Variants in KLF12 observed in about 807,000 individuals in gnomAD.
The protein encoded by KLF12 is Krueppel-like factor 12.
In KLF12, 9 loss-of-function variants were observed where a neutral mutation model predicts 37.8. The ratio of observed to expected loss-of-function variants is 0.24; its 90% CI spans 0.14 to 0.42. The LOEUF (loss-of-function observed/expected upper bound fraction) is 0.42, where lower values mean the gene tolerates loss of function less well. Among genes scored for constraint, KLF12 ranks in the 10% least tolerant of loss-of-function variants. The pLI is 1.00. For synonymous variants in KLF12, 208 were observed against 202.1 expected (o/e 1.03, Z -0.25); for missense variants, 411 against 516.0 (o/e 0.80, Z 1.97).
the KLF12 span, among the ~76,000 whole-genome samples, chr13:74,249,078 A>G: frequency 1.8e-4 from 27 of 152,246 alleles, no homozygotes; most frequent in East Asian, 4.4e-3. Flanking sequence ...CTGGAGCCAG[A>G]CAAACGTGAG....
chr13:73,839,795 T>C (rs1448126694), intron 4 of KLF12, among the ~76,000 whole-genome samples: 2 of 152,150 alleles, frequency 1.3e-5, no homozygotes, highest in Non-Finnish European at 1.5e-5. Flanking sequence ...GTTGACAAAA[T>C]TGTTAGGAAA....
At chr13:74,140,039 C>T in the KLF12 span, among the ~76,000 whole-genome samples, 49 of 151,960 alleles carry the variant, frequency 3.2e-4, no homozygotes, top group East Asian at 8.3e-3. Context: ...CTATATAGCA[C>T]GTAACATTAG....
At chr13:74,267,325 G>A in the KLF12 span, among the ~76,000 whole-genome samples, 1 of 152,182 alleles carries the variant, frequency 6.6e-6, no homozygotes, top group South Asian at 2.1e-4. Flanking sequence ...CAGAACAATA[G>A]CCAAGATGTG....
intron 1 of KLF12, among the ~76,000 whole-genome samples, chr13:74,022,679 A>C (rs1228806790): frequency 2.0e-5 from 3 of 152,050 alleles, no homozygotes; most frequent in Non-Finnish European, 4.4e-5. Flanking sequence ...AAAAAAAAAA[A>C]AAAAATTGAC....
At chr13:73,915,655 G>T (rs1593719688) in intron 3 of KLF12, among the ~76,000 whole-genome samples, 1 of 150,446 alleles carries the variant, frequency 6.6e-6, no homozygotes, top group South Asian at 2.1e-4. Context: ...TGGGACTACA[G>T]GCACCTGCCA....
chr13:74,232,926 C>T, the KLF12 span, among the ~76,000 whole-genome samples: 25 of 152,088 alleles, frequency 1.6e-4, no homozygotes, highest in African/African-American at 6.0e-4. Flanking sequence ...TGCTCTGTCG[C>T]CCAGGCTGGA....
the KLF12 span, among the ~76,000 whole-genome samples, chr13:74,207,704 T>C: frequency 6.6e-6 from 1 of 151,836 alleles, no homozygotes. Context: ...CAAAAAAAGT[T>C]TCAGGTCATG....
chr13:73,898,517 C>T (rs768976859), intron 3 of KLF12, among the ~76,000 whole-genome samples: 5 of 152,092 alleles, frequency 3.3e-5, no homozygotes, highest in African/African-American at 4.8e-5. Flanking sequence ...AAAAGCTCTC[C>T]TACTTACAAC....
At chr13:74,172,800 T>G in the KLF12 span, among the ~76,000 whole-genome samples, 1 of 152,138 alleles carries the variant, frequency 6.6e-6, no homozygotes, top group Non-Finnish European at 1.5e-5. Flanking sequence ...TGAATAAAAT[T>G]TTAATTCTGC....
intron 1 of KLF12, among the ~76,000 whole-genome samples, chr13:74,082,921 C>T (rs1875000923): frequency 2.0e-5 from 3 of 152,080 alleles, no homozygotes; most frequent in Non-Finnish European, 4.4e-5. Context: ...GAAGAAAATA[C>T]AAGAATTACT....
chr13:73,829,315 T>C (rs1221910110), intron 4 of KLF12, among the ~76,000 whole-genome samples: 1 of 152,236 alleles, frequency 6.6e-6, no homozygotes, highest in African/African-American at 2.4e-5. Flanking sequence ...GGCCAAATTT[T>C]ATTTAGTTTT....
intron 1 of KLF12, among the ~76,000 whole-genome samples, chr13:74,001,878 T>C (rs1009617219): frequency 6.6e-6 from 1 of 152,222 alleles, no homozygotes; most frequent in African/African-American, 2.4e-5. Flanking sequence ...CTCAAAATAT[T>C]TTGCGATAAT....
chr13:73,888,641 A>T (rs537253431), intron 3 of KLF12, among the ~76,000 whole-genome samples: 1,816 of 152,332 alleles, frequency 0.012, 30 homozygotes, highest in African/African-American at 0.04. Context: ...TAAGAAAAAG[A>T]TATATGCACA....
intron 7 of KLF12, among the ~76,000 whole-genome samples, chr13:73,707,988 T>C (rs1478598530): frequency 6.6e-6 from 1 of 152,146 alleles, no homozygotes; most frequent in African/African-American, 2.4e-5. Context: ...TAATCAAATA[T>C]AATTAATGGA....
At chr13:74,193,326 G>T in the KLF12 span, among the ~76,000 whole-genome samples, 1 of 152,156 alleles carries the variant, frequency 6.6e-6, no homozygotes, top group African/African-American at 2.4e-5. Flanking sequence ...ACTGGGCTAA[G>T]TGGTCTCTAT....
At chr13:74,004,317 A>C (rs1188127240) in intron 1 of KLF12, among the ~76,000 whole-genome samples, 1 of 152,182 alleles carries the variant, frequency 6.6e-6, no homozygotes, top group African/African-American at 2.4e-5. Flanking sequence ...TGTGCTAGCA[A>C]CTGTTCTAAC....
intron 3 of KLF12, among the ~76,000 whole-genome samples, chr13:73,853,623 C>T (rs1223293394): frequency 4.0e-5 from 6 of 151,834 alleles, no homozygotes; most frequent in Admixed American, 2.0e-4. Context: ...CCTGTAATCC[C>T]AGCTACTAGG....
At chr13:74,216,061 T>C in the KLF12 span, among the ~76,000 whole-genome samples, 1 of 152,154 alleles carries the variant, frequency 6.6e-6, no homozygotes, top group African/African-American at 2.4e-5. Context: ...AAGGGGCACA[T>C]TCAGGTAATG....
intron 6 of KLF12, among the ~76,000 whole-genome samples, chr13:73,751,881 C>T (rs571048128): frequency 1.3e-3 from 191 of 152,226 alleles, no homozygotes; most frequent in African/African-American, 4.2e-3. Context: ...AGCATGTGCA[C>T]GTGGGGTGAA....
Sources: gnomAD v4.1 joint callset for allele counts (sites outside exome capture counted in the v4.1 genomes callset) on GRCh38, gnomAD v4.1.1 for gene constraint, MANE v1.5 for transcripts, NCBI Gene and HGNC (gene_info 2026-07-23, HGNC 2026-07-21) for gene names.